RBFOX1: variants seen among roughly 807,000 people sequenced by gnomAD.
The protein encoded by RBFOX1 is RNA binding protein fox-1 homolog 1.
RBFOX1 carries 8 observed loss-of-function variants against 57.7 expected under a neutral mutation model. That is an observed-to-expected ratio of 0.14 (90% CI 0.08 to 0.25). The LOEUF (loss-of-function observed/expected upper bound fraction) is 0.25. Ranked by LOEUF, RBFOX1 falls within the 10% of genes least tolerant of loss-of-function variation. RBFOX1 has a pLI of 1.00. For missense variants in RBFOX1, 611 were observed against 548.5 expected (o/e 1.11, Z -1.14); for synonymous variants, 326 against 222.4 (o/e 1.47, Z -4.15).
intron 2 of RBFOX1, among the ~76,000 whole-genome samples, chr16:6,484,216 A>G (rs6500789): frequency 0.38 from 58,248 of 151,842 alleles, 11,965 homozygotes; most frequent in East Asian, 0.65. Flanking sequence ...GGCTCTGGAA[A>G]TGAGAGGTTT....
Position 6,747,443 on chromosome 16 carries a change from T to TCTGTC in RBFOX1, c.-16+92793_-16+92794insCTGTC, listed in dbSNP as rs1215085649. Among the ~76,000 whole-genome samples the TCTGTC allele has an allele frequency of 1.0e-3, 132 of 127,978 alleles. 2 individuals are homozygous for TCTGTC. The highest frequency in any genetic ancestry group is 8.3e-3 in the South Asian group (28 of 3,364). 84.0% of individuals were successfully genotyped at this position (127,978 alleles called of 152,430 possible). A position where few individuals can be genotyped will look rare whatever the true frequency, so the allele number is the denominator to read the frequency against. Reference sequence around the variant, plus strand: ...AAAAATCTATCAGTCAGTCAGTCAGTTAGTCTGTCTGTCTGTCTGTCTGTC... The same window carrying TCTGTC: ...AAAAATCTATCAGTCAGTCAGTCAGTCTGTCTAGTCTGTCTGTCTGTCTGTCTGTC... On this transcript the variant is annotated intron_variant, in intron 3 of 15. Coordinates refer to ENST00000550418, the MANE Select transcript of RBFOX1 (RefSeq NM_018723.4).
intron 2 of RBFOX1, among the ~76,000 whole-genome samples, chr16:6,441,196 A>G (rs1260119108): frequency 6.6e-6 from 1 of 151,980 alleles, no homozygotes; most frequent in Non-Finnish European, 1.5e-5. Flanking sequence ...TGGGGCTAAT[A>G]ATGTCTAATG....
At chr16:5,749,968 T>A (rs971276824) in intron 3 of RBFOX1, among the ~76,000 whole-genome samples, 4 of 152,236 alleles carry the variant, frequency 2.6e-5, no homozygotes, top group African/African-American at 9.6e-5. Flanking sequence ...TCAGCTTTTC[T>A]GCTCTGTTTT....
chr16:5,750,178 G>T (rs1380017005), intron 3 of RBFOX1, among the ~76,000 whole-genome samples: 1 of 152,186 alleles, frequency 6.6e-6, no homozygotes, highest in African/African-American at 2.4e-5. Flanking sequence ...CTGCAGAACA[G>T]CGAATATTTC....
intron 4 of RBFOX1, among the ~76,000 whole-genome samples, chr16:7,195,673 C>G (rs9924178): frequency 2.6e-5 from 4 of 152,156 alleles, no homozygotes; most frequent in African/African-American, 9.7e-5. Flanking sequence ...TAGCCTCAGC[C>G]TCCCGAGTAG....
intron 4 of RBFOX1, among the ~76,000 whole-genome samples, chr16:5,882,778 T>G (rs1253224741): frequency 6.6e-6 from 1 of 152,156 alleles, no homozygotes; most frequent in African/African-American, 2.4e-5. Flanking sequence ...AATACATTAC[T>G]GCAAATTAGA....
intron 3 of RBFOX1, among the ~76,000 whole-genome samples, chr16:5,796,120 G>C (rs958674866): frequency 3.9e-5 from 6 of 152,152 alleles, no homozygotes; most frequent in Non-Finnish European, 8.8e-5. Flanking sequence ...TTGAATTTTG[G>C]TGAGCTGTTT....
Position 5,731,946 on chromosome 16 carries a change from C to T in RBFOX1, c.318+132985C>T, listed in dbSNP as rs115991606. On this transcript the variant is annotated intron_variant, in intron 3 of 19. Transcript: ENST00000641259. ...AGGTGTTTAATGGAAGGTCCTCTCT[C>T]CTGCTGACCCAAAAGCTTAATGAAT... is the stretch of plus-strand genomic sequence containing the variant. Among the ~76,000 whole-genome samples the T allele has an allele frequency of 4.1e-3, 618 of 152,296 alleles. 2 individuals carry two copies. The highest frequency in any genetic ancestry group is 0.014 in the African/African-American group (588 of 41,556).
chr16:5,651,980 A>G (rs2151365974), intron 3 of RBFOX1, among the ~76,000 whole-genome samples: 1 of 152,266 alleles, frequency 6.6e-6, no homozygotes, highest in Non-Finnish European at 1.5e-5. Flanking sequence ...TAAAGAAAGA[A>G]AAAAATAGCC....
In RBFOX1 at chr16:5,905,874, A is replaced by C. The variant is rs183710343; in HGVS notation, c.351+38539A>C. Among the ~76,000 whole-genome samples, 416 of 152,288 alleles carry C rather than the reference A, an allele frequency of 2.7e-3. 4 individuals carry two copies. Among genetic ancestry groups the C allele is most frequent in the Middle Eastern group, 0.024 (7 of 294 alleles). On this transcript the variant is annotated intron_variant, in intron 4 of 19. Coordinates refer to the RBFOX1 transcript ENST00000641259. The stretch of plus-strand genomic sequence containing the variant: ...AAATGCCTCCTCCGGAAGCCTTCCT[A>C]ATTTCCCTCTTTAGAATTCATCTCT...
At chr16:7,328,238 T>C (rs186244733) in intron 4 of RBFOX1, among the ~76,000 whole-genome samples, 1 of 151,930 alleles carries the variant, frequency 6.6e-6, no homozygotes, top group East Asian at 1.9e-4. Context: ...TCCCAGCACT[T>C]TGGGAGGCTG....
chr16:6,298,933 G>A (rs934593015), intron 1 of RBFOX1, among the ~76,000 whole-genome samples: 8 of 152,126 alleles, frequency 5.3e-5, no homozygotes, highest in African/African-American at 9.7e-5. Context: ...GAACCCAGAG[G>A]GGAGCCTTGG....
chr16:5,613,388 C>T (rs756705684), intron 3 of RBFOX1, among the ~76,000 whole-genome samples: 41 of 152,228 alleles, frequency 2.7e-4, no homozygotes, highest in African/African-American at 8.4e-4. Context: ...GTGGGTGCAA[C>T]GTTACCCTCA....
chr16:6,018,995 A>T (rs1038591028), upstream of RBFOX1: 2 of 752,140 alleles, frequency 2.7e-6, no homozygotes, highest in Non-Finnish European at 3.2e-6. Context: ...TGGCGAGGGG[A>T]AGGGGGAGGG....
intron 3 of RBFOX1, among the ~76,000 whole-genome samples, chr16:6,964,274 C>T (rs538503729): frequency 1.3e-5 from 2 of 152,322 alleles, no homozygotes; most frequent in East Asian, 3.9e-4. Context: ...CCCCCTCGAC[C>T]TCCCAAAGTG....
intron 2 of RBFOX1, among the ~76,000 whole-genome samples, chr16:6,514,217 C>T (rs1385988455): frequency 6.6e-6 from 1 of 152,126 alleles, no homozygotes; most frequent in Non-Finnish European, 1.5e-5. Context: ...ATGCTCTCTG[C>T]TTAAAAGGAT....
chr16:6,900,368 A>G (rs2068154412), intron 3 of RBFOX1, among the ~76,000 whole-genome samples: 1 of 152,168 alleles, frequency 6.6e-6, no homozygotes, highest in Admixed American at 6.5e-5. Flanking sequence ...TCCTTCTGTA[A>G]CCTCTATCCA....
chr16:6,479,762 A>G (rs1457056425), intron 2 of RBFOX1, among the ~76,000 whole-genome samples: 3 of 151,856 alleles, frequency 2.0e-5, no homozygotes, highest in African/African-American at 7.3e-5. Flanking sequence ...ACCAATCACC[A>G]GTCTAGGCCA....
intron 1 of RBFOX1, among the ~76,000 whole-genome samples, chr16:6,312,372 T>C (rs2080440053): frequency 6.6e-6 from 1 of 152,122 alleles, no homozygotes; most frequent in Admixed American, 6.6e-5. Context: ...TCTCTCTCAT[T>C]GCTACTTCTG....
Sources: gnomAD v4.1 joint callset for allele counts (sites outside exome capture counted in the v4.1 genomes callset) on GRCh38, gnomAD v4.1.1 for gene constraint, MANE v1.5 for transcripts, NCBI Gene and HGNC (gene_info 2026-07-23, HGNC 2026-07-21) for gene names.